PRKCH: variants seen among roughly 807,000 people sequenced by gnomAD.
PRKCH encodes protein kinase C eta type.
In PRKCH, 28 loss-of-function variants were observed where a neutral mutation model predicts 82.5. The observed-to-expected ratio is 0.34, with a 90% CI of 0.25 to 0.47. The LOEUF is 0.47. Ranked by LOEUF, PRKCH falls within the 20% of genes least tolerant of loss-of-function variation. The pLI is 1.00. For synonymous variants in PRKCH, 322 were observed against 327.4 expected (o/e 0.98, Z 0.18); for missense variants, 705 against 881.8 (o/e 0.80, Z 2.54).
At chr14:61,428,076 T>TAGATAC (rs377250538) in intron 2 of PRKCH, among the ~76,000 whole-genome samples, 33,004 of 125,278 alleles carry the variant, frequency 0.26, 4,792 homozygotes, top group Non-Finnish European at 0.32. Flanking sequence ...GATAGATAGA[T>TAGATAC]ACACACACAC....
At chr14:61,427,521 G>A (rs150844283) in intron 2 of PRKCH, among the ~76,000 whole-genome samples, 35 of 152,236 alleles carry the variant, frequency 2.3e-4, no homozygotes, top group African/African-American at 7.9e-4. Context: ...GCTTTGCAGG[G>A]TCATTTCAAA....
intron 1 of PRKCH, among the ~76,000 whole-genome samples, chr14:61,309,683 C>G (rs532722124): frequency 6.6e-6 from 1 of 152,244 alleles, no homozygotes; most frequent in South Asian, 2.1e-4. Context: ...ATATTTGGAT[C>G]ATCTAACTCC....
chr14:61,401,139 G>A (rs150104355), intron 2 of PRKCH, among the ~76,000 whole-genome samples: 122 of 152,268 alleles, frequency 8.0e-4, no homozygotes, highest in African/African-American at 2.9e-3. Context: ...CCCAGGAAAG[G>A]TGCAGCATTC....
At chr14:61,475,527 C>G (rs1173901152) in intron 9 of PRKCH, among the ~76,000 whole-genome samples, 1 of 152,132 alleles carries the variant, frequency 6.6e-6, no homozygotes, top group African/African-American at 2.4e-5. Flanking sequence ...GCCTGCTTTA[C>G]CAGGCTAAAA....
chr14:61,449,919 T>C (rs1231142248), intron 5 of PRKCH, among the ~76,000 whole-genome samples: 1 of 151,968 alleles, frequency 6.6e-6, no homozygotes, highest in East Asian at 1.9e-4. Flanking sequence ...TGTGTGTGTG[T>C]GTGTATGTGT....
intron 10 of PRKCH, 86 bp downstream of exon 10, chr14:61,485,742 C>A: frequency 6.9e-7 from 1 of 1,444,336 alleles, no homozygotes; most frequent in Non-Finnish European, 9.3e-7. Flanking sequence ...TCATGATAAT[C>A]AGTTGAAACC....
At chr14:61,312,835 G>A (rs771640288) in intron 1 of PRKCH, among the ~76,000 whole-genome samples, 6 of 152,012 alleles carry the variant, frequency 3.9e-5, no homozygotes, top group African/African-American at 7.3e-5. Flanking sequence ...TTCAAGACGC[G>A]ATCTGGGTGG....
At chr14:61,438,476 G>A (rs937259256) in intron 2 of PRKCH, among the ~76,000 whole-genome samples, 1 of 152,260 alleles carries the variant, frequency 6.6e-6, no homozygotes, top group South Asian at 2.1e-4. Flanking sequence ...TGTGATCCAC[G>A]CTTTTGCCCC....
At chr14:61,284,525 T>G (rs1230952957) in intron 1 of PRKCH, among the ~76,000 whole-genome samples, 1 of 152,210 alleles carries the variant, frequency 6.6e-6, no homozygotes, top group Non-Finnish European at 1.5e-5. Context: ...AAGGTCCATG[T>G]ATACACTATA....
In PRKCH at chr14:61,280,717, A is replaced by G. The variant is rs1402927190; in HGVS notation, c.-19+93049A>G. On this transcript the variant is annotated intron_variant, in intron 1 of 3. Coordinates refer to the PRKCH transcript ENST00000555185. This position sits in a 1 kb window ranked among gnomAD's most constrained non-coding sequence, Gnocchi z 5.0. ...GCGCTGGTAGGGGGCGCACTCGTTG[A>G]CAGGGTGGCGCAGCGCGCTGGGGAG... 3 of 1,579,184 alleles carry G rather than the reference A, an allele frequency of 1.9e-6. No individual in the cohort carries two copies. The highest frequency in any genetic ancestry group is 2.6e-6 in the Non-Finnish European group (3 of 1,166,522).
intron 1 of PRKCH, among the ~76,000 whole-genome samples, chr14:61,369,109 T>C (rs2046334207): frequency 6.6e-6 from 1 of 152,118 alleles, no homozygotes; most frequent in Non-Finnish European, 1.5e-5. Flanking sequence ...ATTGGCTGAT[T>C]GTTGGAATAC....
At chr14:61,529,901 A>G (rs1174394130) in intron 11 of PRKCH, among the ~76,000 whole-genome samples, 1 of 29,762 alleles carries the variant, frequency 3.4e-5, no homozygotes, top group Non-Finnish European at 1.2e-4. Context: ...AACTTAAAGT[A>G]TAATAAAAAA....
chr14:61,347,592 G>T (rs1328602927), intron 1 of PRKCH, among the ~76,000 whole-genome samples: 1 of 152,204 alleles, frequency 6.6e-6, no homozygotes, highest in East Asian at 1.9e-4. Flanking sequence ...CTCCTAAGTA[G>T]TGGCCCGTAT....
chr14:61,328,256 CAAAAAAAAAAA>C (rs71117811), intron 1 of PRKCH, among the ~76,000 whole-genome samples: 2 of 74,378 alleles, frequency 2.7e-5, no homozygotes, highest in East Asian at 4.2e-4. Flanking sequence ...GACTCCGTCT[CAAAAAAAAAAA>C]AAAAAAAAAA....
intron 9 of PRKCH, among the ~76,000 whole-genome samples, chr14:61,477,444 A>G (rs927441037): frequency 2.6e-5 from 4 of 152,224 alleles, no homozygotes; most frequent in Non-Finnish European, 4.4e-5. Context: ...CAGTCTTTAA[A>G]TCATAGAGAC....
Position 61,453,364 on chromosome 14 carries a change from G to C in PRKCH, c.960+11G>C. On this transcript the variant is annotated intron_variant, in intron 7 of 13. Coordinates refer to ENST00000332981, the MANE Select transcript of PRKCH (RefSeq NM_006255.5). ...ATTTCTCCAACCTCGGTGAGACTTT[G>C]CTTTTTTTCCATGTCTCGTAATTTA... The C allele has an allele frequency of 6.2e-7, 1 of 1,609,698 alleles. No individual in the cohort carries two copies. Among genetic ancestry groups the C allele is most frequent in the Non-Finnish European group, 8.5e-7 (1 of 1,177,206 alleles).
At chr14:61,544,741 A>G (rs939165472) in intron 12 of PRKCH, 2 of 152,206 alleles carry the variant, frequency 1.3e-5, no homozygotes, top group Non-Finnish European at 2.9e-5. Context: ...CACTGCTACT[A>G]ATACTCATGC....
At chr14:61,208,367 T>G (rs1006330445) in intron 1 of PRKCH, among the ~76,000 whole-genome samples, 3 of 152,316 alleles carry the variant, frequency 2.0e-5, no homozygotes, top group South Asian at 4.1e-4. Context: ...TAAGACAGTC[T>G]TCACATTCAG....
chr14:61,311,841 C>T (rs1268573204), intron 1 of PRKCH, among the ~76,000 whole-genome samples: 1 of 152,124 alleles, frequency 6.6e-6, no homozygotes, highest in Non-Finnish European at 1.5e-5. Context: ...CAATCTAATA[C>T]AATTATGGTG....
Sources: allele counts gnomAD v4.1 joint callset (sites outside exome capture counted in the v4.1 genomes callset), GRCh38; gene constraint gnomAD v4.1.1; non-coding constraint Gnocchi (gnomAD v3.1); transcripts MANE v1.5; gene names NCBI Gene and HGNC (gene_info 2026-07-23, HGNC 2026-07-21).